GALNT2: variants seen among roughly 807,000 people sequenced by gnomAD.
The protein encoded by GALNT2 is polypeptide N-acetylgalactosaminyltransferase 2.
In GALNT2, 31 loss-of-function variants were observed where a neutral mutation model predicts 81.4. The ratio of observed to expected loss-of-function variants is 0.38; its 90% confidence interval spans 0.29 to 0.51. The LOEUF is 0.51. GALNT2 is among the 20% of genes least tolerant of loss of function. GALNT2 has a pLI of 0.87. For missense variants in GALNT2, 629 were observed against 765.7 expected (o/e 0.82, Z 2.11); for synonymous variants, 303 against 287.4 (o/e 1.05, Z -0.55).
At chr1:230,069,529 G>A (rs1659311103) in intron 1 of GALNT2, among the ~76,000 whole-genome samples, 1 of 152,172 alleles carries the variant, frequency 6.6e-6, no homozygotes, top group Admixed American at 6.5e-5. Flanking sequence ...TTAACTTCGT[G>A]TGGTGGACCC....
chr1:230,097,251 G>C (rs1264901705), intron 1 of GALNT2, among the ~76,000 whole-genome samples: 2 of 152,028 alleles, frequency 1.3e-5, no homozygotes, highest in Non-Finnish European at 2.9e-5. Flanking sequence ...TTTTTTTCAT[G>C]ATCTTTAATT....
chr1:230,279,796 G>A lies in GALNT2; in HGVS notation c.*338G>A, dbSNP rs185601805. On this transcript the variant is annotated 3_prime_UTR_variant, in exon 16 of 16. Transcript: ENST00000366672. This position sits in a 1 kb window ranked among gnomAD's most constrained non-coding sequence, Gnocchi z 4.6. ...TGGGGAGTGGTAGAAGCAACTGAAC[G>A]GATGCGTGCGAGCTGAGGACAGGGC... is the stretch of plus-strand genomic sequence containing the variant. 17 of 496,398 alleles carry A rather than the reference G, an allele frequency of 3.4e-5. No individual in the cohort carries two copies. Among genetic ancestry groups the A allele is most frequent in the Admixed American group, 9.2e-5 (4 of 43,708 alleles). The allele number at this position is 496,398 out of a possible 1,614,324, so 30.7% of individuals were successfully genotyped here. A position where few individuals can be genotyped will look rare whatever the true frequency, so the allele number is the denominator to read the frequency against.
At chr1:230,239,405 C>G (rs1232854742) in intron 6 of GALNT2, among the ~76,000 whole-genome samples, 1 of 152,178 alleles carries the variant, frequency 6.6e-6, no homozygotes, top group Non-Finnish European at 1.5e-5. Context: ...GTCCAAGTCC[C>G]AAAACCTCAA....
chr1:230,112,679 G>A (rs1388963578), intron 1 of GALNT2, among the ~76,000 whole-genome samples: 1 of 152,056 alleles, frequency 6.6e-6, no homozygotes, highest in Admixed American at 6.5e-5. Flanking sequence ...GCGAAGGGAG[G>A]AGGAGGGAGA....
chr1:230,169,652 C>T (rs79856364), intron 1 of GALNT2, among the ~76,000 whole-genome samples: 3 of 147,334 alleles, frequency 2.0e-5, no homozygotes, highest in Admixed American at 6.6e-5. Context: ...AATAATTATG[C>T]GATTGTAGTT....
At chr1:230,178,861 C>T (rs1330706390) in intron 2 of GALNT2, among the ~76,000 whole-genome samples, 1 of 152,118 alleles carries the variant, frequency 6.6e-6, no homozygotes, top group Non-Finnish European at 1.5e-5. Context: ...GGCGTTTAGC[C>T]GCCATTGTAG....
At chr1:230,080,771 G>A (rs1209760622) in intron 1 of GALNT2, among the ~76,000 whole-genome samples, 1 of 152,194 alleles carries the variant, frequency 6.6e-6, no homozygotes, top group African/African-American at 2.4e-5. Flanking sequence ...TAACCCTTCA[G>A]TGCCTCAGTT....
At chr1:230,092,175 A>AGTTTTTTTTTGTTTTTTTTT (rs749253634) in intron 1 of GALNT2, 1 of 20,786 alleles carries the variant, frequency 4.8e-5, no homozygotes, top group Non-Finnish European at 8.0e-5. Context: ...ATATTCCTTT[A>AGTTTTTTTTTGTTTTTTTTT]GTTTTTTTTT....
At chr1:230,152,526 G>T (rs1477189986) in intron 1 of GALNT2, among the ~76,000 whole-genome samples, 1 of 152,168 alleles carries the variant, frequency 6.6e-6, no homozygotes, top group Non-Finnish European at 1.5e-5. Context: ...TATGTGGATG[G>T]ATGGGCGTGC....
At chr1:230,216,177 C>T (rs1469025688) in intron 3 of GALNT2, among the ~76,000 whole-genome samples, 1 of 152,206 alleles carries the variant, frequency 6.6e-6, no homozygotes, top group African/African-American at 2.4e-5. Flanking sequence ...CCATTTAAAA[C>T]CCATCACTTT....
intron 1 of GALNT2, among the ~76,000 whole-genome samples, chr1:230,078,844 C>T (rs1659643248): frequency 6.6e-6 from 1 of 152,180 alleles, no homozygotes; most frequent in Non-Finnish European, 1.5e-5. Context: ...CACCCTATCA[C>T]CCAGGCTGGA....
chr1:230,082,152 C>T (rs1360783216), intron 1 of GALNT2, among the ~76,000 whole-genome samples: 1 of 152,182 alleles, frequency 6.6e-6, no homozygotes, highest in Non-Finnish European at 1.5e-5. Context: ...CTTTTCCATC[C>T]TTCTTCTCTA....
chr1:230,134,165 G>A (rs1474069339), intron 1 of GALNT2, among the ~76,000 whole-genome samples: 7 of 148,234 alleles, frequency 4.7e-5, no homozygotes, highest in Non-Finnish European at 8.9e-5. Flanking sequence ...CTGGAATGCA[G>A]TGGCGCAATC....
chr1:230,124,484 A>C (rs1045309742), intron 1 of GALNT2, among the ~76,000 whole-genome samples: 2 of 152,286 alleles, frequency 1.3e-5, no homozygotes, highest in Admixed American at 6.5e-5. Flanking sequence ...CCCTAAATCT[A>C]CCTGTGGCAT....
chr1:230,234,194 T>C (rs969313244), intron 3 of GALNT2, among the ~76,000 whole-genome samples: 3 of 152,050 alleles, frequency 2.0e-5, no homozygotes, highest in African/African-American at 7.2e-5. Context: ...TCCAAGACAA[T>C]TGCACATCTT....
chr1:230,256,141 T>C (rs1042523117), intron 11 of GALNT2, among the ~76,000 whole-genome samples: 2 of 152,134 alleles, frequency 1.3e-5, no homozygotes, highest in Admixed American at 1.3e-4. Flanking sequence ...AGGTCACCTC[T>C]TAAAGGCCTC....
At chr1:230,182,526 CT>C (rs1663192814) in intron 2 of GALNT2, among the ~76,000 whole-genome samples, 1 of 152,182 alleles carries the variant, frequency 6.6e-6, no homozygotes, top group African/African-American at 2.4e-5. Flanking sequence ...TCTCCATGTA[CT>C]TTGGGATTTC....
intron 3 of GALNT2, among the ~76,000 whole-genome samples, chr1:230,231,881 C>T (rs577407492): frequency 6.6e-6 from 1 of 152,348 alleles, no homozygotes; most frequent in Admixed American, 6.5e-5. Flanking sequence ...CTCAGAGTCA[C>T]TGCTTCTAGC....
chr1:230,154,847 TA>T (rs1214562375), intron 1 of GALNT2, among the ~76,000 whole-genome samples: 1 of 152,186 alleles, frequency 6.6e-6, no homozygotes, highest in African/African-American at 2.4e-5. Flanking sequence ...AGTACTTTAT[TA>T]TGGCAGCCCT....
Sources: allele counts gnomAD v4.1 joint callset (sites outside exome capture counted in the v4.1 genomes callset), GRCh38; gene constraint gnomAD v4.1.1; non-coding constraint Gnocchi (gnomAD v3.1); transcripts MANE v1.5; gene names NCBI Gene and HGNC (gene_info 2026-07-23, HGNC 2026-07-21).